Variants in RRM2 observed in about 807,000 individuals in gnomAD.
The protein encoded by RRM2 is ribonucleoside-diphosphate reductase subunit M2.
Under a neutral mutation model 45.9 loss-of-function variants are expected in RRM2, and 6 were observed. The observed-to-expected ratio is 0.13, with a 90% CI of 0.07 to 0.26. RRM2 has a LOEUF of 0.26. RRM2 is among the 10% of genes least tolerant of loss of function. The pLI is 1.00. For missense variants in RRM2, 343 were observed against 489.5 expected (o/e 0.70, Z 2.82); for synonymous variants, 177 against 173.0 (o/e 1.02, Z -0.18).
intron 3 of RRM2, among the ~76,000 whole-genome samples, chr2:10,208,002 T>G (rs1341703767): frequency 6.6e-6 from 1 of 152,212 alleles, no homozygotes; most frequent in Non-Finnish European, 1.5e-5. Flanking sequence ...TTTGAAATTC[T>G]AGAATAAGCA....
At chr2:10,128,066 G>T (rs1662818544) in intron 7 of RRM2, among the ~76,000 whole-genome samples, 1 of 152,074 alleles carries the variant, frequency 6.6e-6, no homozygotes, top group Non-Finnish European at 1.5e-5. Flanking sequence ...TTGAGAGGCT[G>T]AGGTAGGAGA....
downstream of RRM2, among the ~76,000 whole-genome samples, chr2:10,136,192 G>A (rs1662986865): frequency 6.6e-6 from 1 of 152,190 alleles, no homozygotes; most frequent in Admixed American, 6.5e-5. Context: ...ACAAGTGAAT[G>A]GTTTGGATTA....
chr2:10,162,550 C>T lies in RRM2; in HGVS notation n.482+20175C>T, dbSNP rs376281613. Among the ~76,000 whole-genome samples, 11 of 152,250 alleles carry T rather than the reference C, an allele frequency of 7.2e-5. No individual in the cohort carries two copies. The East Asian group carries it at 1.7e-3, about 24-fold the overall frequency. The stretch of plus-strand genomic sequence containing the variant: ...CTTGGCCTGTCAACAGCGATGCACC[C>T]GCTGTTTAGTGGGAAACCATCTTCC... On this transcript the variant is annotated intron_variant and non_coding_transcript_variant, in intron 3 of 3. Transcript: ENST00000381786.
rs578135463 is a variant in RRM2 at position 10,172,027 on chromosome 2, C to T, written n.482+29652C>T. Among the ~76,000 whole-genome samples the T allele has an allele frequency of 2.1e-3, 313 of 152,246 alleles. 1 individual carries two copies. The highest frequency in any genetic ancestry group is 7.2e-3 in the African/African-American group (299 of 41,542). ...CCTGCTAGTCCAGGCCGGGCCAGCG[C>T]CCAAGGATGAGGGGAAGCACAGCTC... On this transcript the variant is annotated intron_variant and non_coding_transcript_variant, in intron 3 of 3. Transcript: ENST00000381786. The surrounding 1 kb of genome is among the most constrained non-coding windows in gnomAD (Gnocchi z 4.9).
chr2:10,123,345 G>T, intron 2 of RRM2, 42 bp from the exon 3 acceptor site: 2 of 1,570,252 alleles, frequency 1.3e-6, no homozygotes, highest in South Asian at 2.3e-5. Context: ...AGTTTCATAT[G>T]GTTCGCCCGG....
At chr2:10,159,500 CT>C (rs1270041521) in intron 3 of RRM2, among the ~76,000 whole-genome samples, 1 of 152,222 alleles carries the variant, frequency 6.6e-6, no homozygotes, top group Non-Finnish European at 1.5e-5. Context: ...AATTTGACCC[CT>C]GGGCCCAGAT....
In RRM2 at chr2:10,195,469, G is replaced by C. The variant is rs935917076; in HGVS notation, n.483-14842G>C. On this transcript the variant is annotated intron_variant and non_coding_transcript_variant, in intron 3 of 3. Transcript: ENST00000381786. The surrounding 1 kb of genome is among the most constrained non-coding windows in gnomAD (Gnocchi z 4.9). ...ACCGGAGCCAGCAGCAGGAGCATGCGGGGGAGACCTTGGCCCAGCCCTGCA... is the reference window on the plus strand; with the variant it reads ...ACCGGAGCCAGCAGCAGGAGCATGCCGGGGAGACCTTGGCCCAGCCCTGCA... 6.6e-6 allele frequency among the ~76,000 whole-genome samples: 1 copy of C among 152,204 alleles called. No individual in the cohort carries two copies. Among genetic ancestry groups the C allele is most frequent in the Non-Finnish European group, 1.5e-5 (1 of 68,038 alleles).
At chr2:10,141,658 G>C (rs1663081007) in intron 1 of RRM2, 1 of 701,492 alleles carries the variant, frequency 1.4e-6, no homozygotes, top group African/African-American at 1.8e-5. Context: ...TTAGCTCTGG[G>C]AAGCGGGGAG....
intron 3 of RRM2, chr2:10,156,399 A>C (rs1663428011): frequency 6.6e-6 from 1 of 152,230 alleles, no homozygotes; most frequent in Non-Finnish European, 1.5e-5. Flanking sequence ...GGCCTGTAAG[A>C]CCTATCAGGG....
intron 1 of RRM2, chr2:10,141,733 A>T: frequency 7.1e-7 from 1 of 1,404,378 alleles, no homozygotes; most frequent in Non-Finnish European, 9.7e-7. Context: ...AGGGTGGGGT[A>T]CTGTTCCAAG....
At position 10,130,989 on chromosome 2, in the gene RRM2, A is replaced by T. The variant is rs1339783024; in HGVS notation, c.*1603A>T. 1.3e-5 allele frequency: 2 copies of T among 152,332 alleles called. No individual in the cohort carries two copies. Among genetic ancestry groups the T allele is most frequent in the South Asian group, 4.1e-4 (2 of 4,828 alleles). The allele number at this position is 152,332 out of a possible 1,614,324, so 9.4% of individuals were successfully genotyped here. On this transcript the variant is annotated 3_prime_UTR_variant, in exon 10 of 10. Transcript: ENST00000304567. The stretch of plus-strand genomic sequence containing the variant: ...TGGGAGAAGAAAGCTGAGACATTGC[A>T]TGAAAGATGATGAGAGATAAATGTT...
intron 3 of RRM2, among the ~76,000 whole-genome samples, chr2:10,158,217 C>T (rs1185704705): frequency 2.6e-5 from 4 of 152,168 alleles, no homozygotes; most frequent in East Asian, 1.9e-4. Flanking sequence ...TTCCCATGTA[C>T]GAAATGGGTG....
chr2:10,142,269 G>C (rs370999204), exon 3 of RRM2: 1 of 1,448,966 alleles, frequency 6.9e-7, no homozygotes, highest in Middle Eastern at 1.9e-4. Flanking sequence ...TGAGAAGCTC[G>C]GGAAGGTCTG....
rs542752116 is a variant in RRM2 at position 10,178,099 on chromosome 2, C to T, written n.483-32212C>T. Among the ~76,000 whole-genome samples the T allele has an allele frequency of 3.6e-3, 538 of 150,350 alleles. 1 individual carries two copies. The highest frequency in any genetic ancestry group is 5.1e-3 in the Non-Finnish European group (342 of 67,620). On this transcript the variant is annotated intron_variant and non_coding_transcript_variant, in intron 3 of 3. Coordinates refer to the RRM2 transcript ENST00000381786. ...AACACGCCCGGCTAATTTTTTTTTT[C>T]GTATTCGTAGTAGAGACGGGGTTTC...
At chr2:10,134,200 A>G (rs1662951401), downstream of RRM2, among the ~76,000 whole-genome samples, 1 of 151,198 alleles carries the variant, frequency 6.6e-6, no homozygotes, top group Admixed American at 6.6e-5. Flanking sequence ...AAAGTTAAAT[A>G]GATGATCACC....
chr2:10,208,220 G>A (rs1664697874), intron 3 of RRM2, among the ~76,000 whole-genome samples: 2 of 152,158 alleles, frequency 1.3e-5, no homozygotes, highest in East Asian at 3.8e-4. Context: ...GTAGATGGCA[G>A]GTGACTGGCC....
intron 3 of RRM2, among the ~76,000 whole-genome samples, chr2:10,200,899 C>T (rs1206514094): frequency 6.6e-6 from 1 of 152,220 alleles, no homozygotes; most frequent in Non-Finnish European, 1.5e-5. Context: ...GTAATCCCAG[C>T]ACTTTGGGAG....
intron 3 of RRM2, among the ~76,000 whole-genome samples, chr2:10,208,772 C>A (rs753282333): frequency 6.6e-6 from 1 of 152,152 alleles, no homozygotes; most frequent in Non-Finnish European, 1.5e-5. Context: ...CAGCCATGGC[C>A]CCTCCTGATG....
upstream of RRM2, among the ~76,000 whole-genome samples, chr2:10,140,440 C>T (rs183914389): frequency 4.4e-3 from 674 of 152,244 alleles, 2 homozygotes; most frequent in African/African-American, 0.015. Flanking sequence ...TCTATCTTTA[C>T]AGAAAATGCT....
Sources: gnomAD v4.1 joint callset for allele counts (sites outside exome capture counted in the v4.1 genomes callset) on GRCh38, gnomAD v4.1.1 for gene constraint, Gnocchi (gnomAD v3.1) non-coding constraint, MANE v1.5 for transcripts, NCBI Gene and HGNC (gene_info 2026-07-23, HGNC 2026-07-21) for gene names.